The following VAMP4 variants were observed in gnomAD, a reference collection of about 807,000 sequenced individuals.
The protein encoded by VAMP4 is vesicle associated membrane protein 4, also known as vesicle-associated membrane protein 4.
Under a neutral mutation model 23.5 loss-of-function variants are expected in VAMP4, and 19 were observed. The ratio of observed to expected loss-of-function variants is 0.81; its 90% confidence interval spans 0.56 to 1.19. VAMP4 has a LOEUF of 1.19. VAMP4 is among the 50% of genes most tolerant of loss of function. The pLI, the probability that VAMP4 is intolerant of heterozygous loss-of-function variation, is 0.00. For synonymous variants in VAMP4, 31 were observed against 51.0 expected (o/e 0.61, Z 1.67); for missense variants, 145 against 168.6 (o/e 0.86, Z 0.78).
chr1:171,728,710 C>G, intron 2 of VAMP4, 140 bp from the exon 3 acceptor site: 3 of 736,294 alleles, frequency 4.1e-6, no homozygotes, highest in Middle Eastern at 2.8e-4. Context: ...AATTACATAT[C>G]CTTCACTGGA....
chr1:171,735,574 C>T (rs1196704331), intron 2 of VAMP4, among the ~76,000 whole-genome samples: 2 of 152,194 alleles, frequency 1.3e-5, no homozygotes, highest in Non-Finnish European at 2.9e-5. Flanking sequence ...ATTTATTGAT[C>T]ATCTTCCAGG....
chr1:171,706,242 A>G, intron 7 of VAMP4, 125 bp downstream of exon 7: 1 of 784,478 alleles, frequency 1.3e-6, no homozygotes, highest in Non-Finnish European at 2.0e-6. Context: ...AGCTCCTGAG[A>G]CAGGTCAGAA....
Position 171,728,588 on chromosome 1 carries a change from AGACTT to A in VAMP4, c.67-23_67-19del. The stretch of plus-strand genomic sequence containing the variant: ...AGATTTCTCTGTCAAAAAAAGAAAA[AGACTT>A]GAGTTTTCAGATTCAGAGGGCTTAT... On this transcript the variant is annotated intron_variant, in intron 2 of 7. Coordinates refer to ENST00000236192, the MANE Select transcript of VAMP4 (RefSeq NM_003762.5). 1 of 1,558,994 alleles carries A rather than the reference AGACTT, an allele frequency of 6.4e-7. No homozygotes were observed. Among genetic ancestry groups the A allele is most frequent in the Non-Finnish European group, 8.7e-7 (1 of 1,154,338 alleles).
intron 1 of VAMP4, among the ~76,000 whole-genome samples, chr1:171,741,568 C>G (rs1655925592): frequency 6.6e-6 from 1 of 151,680 alleles, no homozygotes; most frequent in African/African-American, 2.4e-5. Context: ...AACGCTGGCC[C>G]TTCCTGCCCC....
At chr1:171,734,450 A>G (rs921558299) in intron 2 of VAMP4, among the ~76,000 whole-genome samples, 1 of 152,096 alleles carries the variant, frequency 6.6e-6, no homozygotes, top group African/African-American at 2.4e-5. Flanking sequence ...CTGAGGGGAT[A>G]AAGAAAATGG....
chr1:171,710,189 G>GT (rs1035429253), intron 5 of VAMP4, among the ~76,000 whole-genome samples: 222 of 143,820 alleles, frequency 1.5e-3, no homozygotes, highest in Middle Eastern at 3.6e-3. Context: ...TAAGCGAGGT[G>GT]TTTTTTTTTT....
chr1:171,711,756 C>T (rs1654854494), intron 4 of VAMP4, among the ~76,000 whole-genome samples: 1 of 152,130 alleles, frequency 6.6e-6, no homozygotes, highest in Non-Finnish European at 1.5e-5. Flanking sequence ...TAAAGCAAAT[C>T]CATGGTCCTC....
chr1:171,719,204 G>C lies in VAMP4; in HGVS notation c.131C>G (p.Pro44Arg), dbSNP rs1655111216. The change falls in exon 4 of 8, where the codon CCA (proline) becomes CGA (arginine). Residue 44 changes from proline (P) to arginine (R), a missense_variant. Pro to Arg is a moderately radical substitution (Grantham distance 103). Transcript: ENST00000236192. ...EDFFLRGPSG[P>R]RFGPRNDKIK... Reference sequence around the variant, plus strand: ...TTTATCATTTCTAGGTCCAAATCTTGGTCCAGATGGTCCCCTTCTGAAAAC... The same window carrying C: ...TTTATCATTTCTAGGTCCAAATCTTCGTCCAGATGGTCCCCTTCTGAAAAC... 1 of 1,610,890 alleles carries C rather than the reference G, an allele frequency of 6.2e-7. No individual in the cohort carries two copies.
intron 2 of VAMP4, among the ~76,000 whole-genome samples, chr1:171,731,950 T>C (rs1360663192): frequency 6.6e-6 from 1 of 152,204 alleles, no homozygotes; most frequent in African/African-American, 2.4e-5. Flanking sequence ...TAGCAACGAA[T>C]GTTTAAATAC....
chr1:171,703,421 G>A lies in VAMP4; in HGVS notation c.*1085C>T, dbSNP rs1425732247. On this transcript the variant is annotated 3_prime_UTR_variant, in exon 8 of 8. Coordinates refer to ENST00000236192, the MANE Select transcript of VAMP4 (RefSeq NM_003762.5). ...TGTGTGTGTGTGTGTGTGTGTGTTT[G>A]TGTGTATATATATATATATATATAT... is the stretch of plus-strand genomic sequence containing the variant. The A allele has an allele frequency of 7.5e-4, 66 of 87,492 alleles. No homozygotes were observed. The highest frequency in any genetic ancestry group is 2.1e-3 in the African/African-American group (46 of 22,328). 5.4% of individuals were successfully genotyped at this position (87,492 alleles called of 1,614,324 possible).
intron 2 of VAMP4, among the ~76,000 whole-genome samples, chr1:171,728,869 C>A (rs1056549016): frequency 6.6e-6 from 1 of 152,194 alleles, no homozygotes; most frequent in South Asian, 2.1e-4. Flanking sequence ...AGCAAGTCCC[C>A]TCTCCTTCCT....
At chr1:171,716,027 G>C (rs1331513807) in intron 4 of VAMP4, among the ~76,000 whole-genome samples, 9 of 152,104 alleles carry the variant, frequency 5.9e-5, no homozygotes, top group Admixed American at 5.9e-4. Context: ...AAAAATCCCT[G>C]AAAGAAAATA....
Position 171,708,192 on chromosome 1 carries a change from G to A in VAMP4, c.345+1473C>T, listed in dbSNP as rs373350730. ...TGCATGCCTGTAATTCCAGCTACTC[G>A]GGAGACTAAGGCAGGAGAATCGCTT... is the stretch of plus-strand genomic sequence containing the variant. On this transcript the variant is annotated intron_variant, in intron 6 of 7. Coordinates refer to ENST00000236192, the MANE Select transcript of VAMP4 (RefSeq NM_003762.5). Among the ~76,000 whole-genome samples, 131 of 151,666 alleles carry A rather than the reference G, an allele frequency of 8.6e-4. 1 individual carries two copies. The South Asian group carries it at 0.015, about 18-fold the overall frequency.
chr1:171,719,099 C>T (rs1236830344), intron 4 of VAMP4, 72 bp downstream of exon 4: 9 of 1,395,392 alleles, frequency 6.4e-6, no homozygotes, highest in Admixed American at 6.1e-5. Context: ...ATTTGGCTCA[C>T]AGGCTGCAGT....
At chr1:171,734,886 T>C (rs111822778) in intron 2 of VAMP4, among the ~76,000 whole-genome samples, 1,555 of 152,276 alleles carry the variant, frequency 0.01, 30 homozygotes, top group African/African-American at 0.036. Context: ...TTTAAAAATG[T>C]ATTCATAAAG....
intron 3 of VAMP4, among the ~76,000 whole-genome samples, chr1:171,727,526 A>T (rs1655414179): frequency 1.3e-5 from 2 of 152,342 alleles, no homozygotes; most frequent in Non-Finnish European, 1.5e-5. Context: ...GCTGGTGACA[A>T]TATAAAATGG....
chr1:171,708,978 A>G (rs1345664315), intron 6 of VAMP4, among the ~76,000 whole-genome samples: 2 of 151,870 alleles, frequency 1.3e-5, no homozygotes, highest in East Asian at 3.8e-4. Flanking sequence ...AAAGCCAAAA[A>G]TTATAACTAG....
chr1:171,720,601 T>C (rs1655160888), intron 3 of VAMP4, among the ~76,000 whole-genome samples: 1 of 152,022 alleles, frequency 6.6e-6, no homozygotes, highest in Admixed American at 6.6e-5. Flanking sequence ...AGAAGCTAAG[T>C]GAAGCGTAGA....
intron 4 of VAMP4, 48 bp downstream of exon 4, chr1:171,719,123 G>C (rs1440654018): frequency 6.4e-7 from 1 of 1,567,044 alleles, no homozygotes; most frequent in African/African-American, 1.4e-5. Flanking sequence ...CCAATCTCTA[G>C]TCTACACAGA....
Sources: gnomAD v4.1 joint callset for allele counts (sites outside exome capture counted in the v4.1 genomes callset) on GRCh38, gnomAD v4.1.1 for gene constraint, MANE v1.5 for transcripts, NCBI Gene and HGNC (gene_info 2026-07-23, HGNC 2026-07-21) for gene names.